The following INPP5A variants were observed in gnomAD, a reference collection of about 807,000 sequenced individuals.
The protein encoded by INPP5A is 43 kDa inositol polyphosphate 5-phophatase.
A neutral mutation model predicts 65.2 loss-of-function variants in INPP5A; 14 were observed. That is an observed-to-expected ratio of 0.21 (90% confidence interval 0.14 to 0.34). The LOEUF is 0.34. Ranked by LOEUF, INPP5A falls within the 10% of genes least tolerant of loss-of-function variation. The probability of loss-of-function intolerance (pLI) is 1.00; values close to 1 mark genes in which losing one functional copy is unlikely to be tolerated. For missense variants in INPP5A, 431 were observed against 545.6 expected, an observed-to-expected ratio of 0.79 and a Z score of 2.09; for synonymous variants, 207 against 208.3, an observed-to-expected ratio of 0.99 and a Z score of 0.05.
intron 11 of INPP5A, among the ~76,000 whole-genome samples, chr10:132,754,749 AG>A (rs1437366374): frequency 1.3e-5 from 2 of 152,184 alleles, no homozygotes; most frequent in African/African-American, 4.8e-5. Flanking sequence ...CATGGGAAGG[AG>A]GGGGCCCCCA....
chr10:132,755,521 AGTGT>A (rs769421661), intron 11 of INPP5A, among the ~76,000 whole-genome samples: 1 of 101,202 alleles, frequency 9.9e-6, no homozygotes, highest in South Asian at 3.2e-4. Context: ...GGTGTGAGCG[AGTGT>A]GTGAGCAGGC....
intron 7 of INPP5A, chr10:132,708,641 C>G (rs1302572681): frequency 1.1e-5 from 6 of 534,204 alleles, no homozygotes; most frequent in Non-Finnish European, 2.1e-5. Context: ...GAGAGTTCCG[C>G]TGGCCAGAGC....
At chr10:132,604,147 G>A (rs1232523242) in intron 1 of INPP5A, among the ~76,000 whole-genome samples, 1 of 143,720 alleles carries the variant, frequency 7.0e-6, no homozygotes, top group African/African-American at 2.6e-5. Flanking sequence ...TGCTGTCAGG[G>A]TCCCCTCTCC....
At position 132,705,260 on chromosome 10, in the gene INPP5A, C is replaced by T. The variant is rs886120007; in HGVS notation, c.475-3053C>T. ...CAAATGGCCTCCCCGAGAGAGGAGG[C>T]GGACATGTTTGGAATCAGAGACAAG... On this transcript the variant is annotated intron_variant, in intron 6 of 15. Coordinates refer to ENST00000368594, the MANE Select transcript of INPP5A (RefSeq NM_005539.5). This position sits in a 1 kb window ranked among gnomAD's most constrained non-coding sequence, Gnocchi z 4.9. Among the ~76,000 whole-genome samples, 1 of 152,158 alleles carries T rather than the reference C, an allele frequency of 6.6e-6. No individual in the cohort carries two copies. Among genetic ancestry groups the T allele is most frequent in the Admixed American group, 6.5e-5 (1 of 15,284 alleles).
intron 4 of INPP5A, among the ~76,000 whole-genome samples, chr10:132,660,933 C>G (rs371934888): frequency 6.6e-6 from 1 of 152,118 alleles, no homozygotes; most frequent in Non-Finnish European, 1.5e-5. Context: ...TTCCTTTAAG[C>G]CTAAAACTAG....
chr10:132,746,034 G>C (rs207471615), intron 9 of INPP5A, among the ~76,000 whole-genome samples: 1 of 152,184 alleles, frequency 6.6e-6, no homozygotes, highest in African/African-American at 2.4e-5. Context: ...AGCCAAGCCT[G>C]GGGTAGGGCC....
chr10:132,744,650 C>T lies in INPP5A; in HGVS notation c.733-4867C>T, dbSNP rs147905287. Among the ~76,000 whole-genome samples, 155 of 152,284 alleles carry T rather than the reference C, an allele frequency of 1.0e-3. 1 individual carries two copies. In the East Asian group the frequency reaches 0.029, roughly 28 times the overall value. On this transcript the variant is annotated intron_variant, in intron 9 of 15. Coordinates refer to ENST00000368594, the MANE Select transcript of INPP5A (RefSeq NM_005539.5). Reference sequence around the variant, plus strand: ...TAGCTGCCTGTGGTGTTTCTAGATTCGGGGGCAACGTTGGCTTTGTGGTTC... The same window carrying T: ...TAGCTGCCTGTGGTGTTTCTAGATTTGGGGGCAACGTTGGCTTTGTGGTTC...
At chr10:132,562,737 G>A (rs2071222319) in intron 1 of INPP5A, among the ~76,000 whole-genome samples, 1 of 152,224 alleles carries the variant, frequency 6.6e-6, no homozygotes, top group Non-Finnish European at 1.5e-5. Flanking sequence ...GGCTCATCTC[G>A]AGGGTGAATT....
intron 12 of INPP5A, among the ~76,000 whole-genome samples, chr10:132,770,466 G>A (rs1357461788): frequency 6.6e-6 from 1 of 152,244 alleles, no homozygotes; most frequent in African/African-American, 2.4e-5. Context: ...ATTGCCTGGG[G>A]GCTCCCTGTG....
At chr10:132,626,899 T>C (rs976912501) in intron 2 of INPP5A, among the ~76,000 whole-genome samples, 2 of 152,152 alleles carry the variant, frequency 1.3e-5, no homozygotes, top group African/African-American at 4.8e-5. Context: ...TGGCTGTAGT[T>C]TGGTCCTGTG....
chr10:132,633,095 T>C (rs564908023), intron 2 of INPP5A, among the ~76,000 whole-genome samples: 1 of 152,300 alleles, frequency 6.6e-6, no homozygotes, highest in Non-Finnish European at 1.5e-5. Flanking sequence ...GGGTGCTGGC[T>C]TACTTGGTCA....
intron 4 of INPP5A, among the ~76,000 whole-genome samples, chr10:132,671,250 C>A (rs1238270628): frequency 6.6e-6 from 1 of 152,052 alleles, no homozygotes; most frequent in Non-Finnish European, 1.5e-5. Flanking sequence ...GCCGTGGCCT[C>A]CCCTGGGCCC....
chr10:132,730,139 T>A (rs746492275), intron 9 of INPP5A, among the ~76,000 whole-genome samples: 2 of 152,196 alleles, frequency 1.3e-5, no homozygotes, highest in Non-Finnish European at 2.9e-5. Context: ...AGTAGCTGGT[T>A]TTAAATGGAG....
intron 8 of INPP5A, among the ~76,000 whole-genome samples, chr10:132,715,415 C>T (rs1430650296): frequency 2.0e-5 from 3 of 152,192 alleles, no homozygotes; most frequent in Non-Finnish European, 4.4e-5. Flanking sequence ...CTTTTATGTC[C>T]AGTCAAAAGA....
At position 132,581,394 on chromosome 10, in the gene INPP5A, T is replaced by G. The variant is rs1458304741; in HGVS notation, c.76-26521T>G. Among the ~76,000 whole-genome samples, 3 of 152,234 alleles carry G rather than the reference T, an allele frequency of 2.0e-5. No individual in the cohort carries two copies. In the East Asian group the frequency reaches 5.8e-4, roughly 29 times the overall value. ...TTTGTGAACATCTATTTTTATTTTC[T>G]TAGGCAATTCTACCTAGGAGTGAAG... On this transcript the variant is annotated intron_variant, in intron 1 of 15. Coordinates refer to ENST00000368594, the MANE Select transcript of INPP5A (RefSeq NM_005539.5).
chr10:132,613,948 T>C (rs970945050), intron 2 of INPP5A, among the ~76,000 whole-genome samples: 5 of 152,244 alleles, frequency 3.3e-5, no homozygotes, highest in Non-Finnish European at 5.9e-5. Flanking sequence ...GTGGCTTTTA[T>C]ATAGGGAAGA....
At chr10:132,597,695 G>A (rs1490126737) in intron 1 of INPP5A, among the ~76,000 whole-genome samples, 2 of 152,160 alleles carry the variant, frequency 1.3e-5, no homozygotes, top group Non-Finnish European at 2.9e-5. Context: ...TTTAGTGTGT[G>A]CTGCAGCGCT....
intron 1 of INPP5A, among the ~76,000 whole-genome samples, chr10:132,586,027 G>C (rs778625466): frequency 2.0e-5 from 3 of 152,220 alleles, no homozygotes; most frequent in Non-Finnish European, 2.9e-5. Flanking sequence ...TTGTCCCTGA[G>C]ACCTGGCCAG....
At chr10:132,665,405 G>A (rs909610864) in intron 4 of INPP5A, among the ~76,000 whole-genome samples, 2 of 152,274 alleles carry the variant, frequency 1.3e-5, no homozygotes, top group African/African-American at 2.4e-5. Context: ...GTGATATTAA[G>A]ATTCGGGGTA....
Sources: allele counts gnomAD v4.1 joint callset (sites outside exome capture counted in the v4.1 genomes callset), GRCh38; gene constraint gnomAD v4.1.1; non-coding constraint Gnocchi (gnomAD v3.1); transcripts MANE v1.5; gene names NCBI Gene and HGNC (gene_info 2026-07-23, HGNC 2026-07-21).